Variants in CSMD1 observed in about 807,000 individuals in gnomAD.
The protein encoded by CSMD1 is CUB and sushi domain-containing protein 1.
CSMD1 carries 213 observed loss-of-function variants against 417.5 expected under a neutral mutation model. The observed-to-expected ratio is 0.51, with a 90% CI of 0.46 to 0.57. CSMD1 has a LOEUF of 0.57. CSMD1 is among the 20% of genes least tolerant of loss of function. The probability of loss-of-function intolerance (pLI) is 0.00; values close to 1 mark genes in which losing one functional copy is unlikely to be tolerated. For missense variants in CSMD1, 6,923 were observed against 4,529.7 expected (o/e 1.53, Z -15.17); for synonymous variants, 2,862 against 1,736.8 (o/e 1.65, Z -16.11).
intron 10 of CSMD1, among the ~76,000 whole-genome samples, chr8:3,498,650 T>A (rs902567910): frequency 2.6e-5 from 4 of 152,222 alleles, no homozygotes; most frequent in African/African-American, 4.8e-5. Flanking sequence ...ATTTGTCCCC[T>A]GCATTTTGTT....
At chr8:4,428,378 G>T (rs1344563891) in intron 2 of CSMD1, among the ~76,000 whole-genome samples, 1 of 152,158 alleles carries the variant, frequency 6.6e-6, no homozygotes, top group Non-Finnish European at 1.5e-5. Flanking sequence ...TAGGTAGCTT[G>T]TTATCTTCCT....
intron 3 of CSMD1, among the ~76,000 whole-genome samples, chr8:4,361,593 C>G (rs913702659): frequency 6.6e-6 from 1 of 152,172 alleles, no homozygotes; most frequent in Non-Finnish European, 1.5e-5. Flanking sequence ...AACGCAGTTG[C>G]CCTATTTTAT....
At chr8:3,737,883 G>A (rs746250423) in intron 6 of CSMD1, among the ~76,000 whole-genome samples, 1 of 152,208 alleles carries the variant, frequency 6.6e-6, no homozygotes. Context: ...TCTTTGCCCA[G>A]TGAGAATTCC....
chr8:3,307,598 C>G (rs1185113715), intron 25 of CSMD1, 97 bp downstream of exon 25: 15 of 1,358,834 alleles, frequency 1.1e-5, no homozygotes, highest in Admixed American at 2.2e-5. Context: ...AGTTCAGAAA[C>G]TTTAACCATG....
chr8:4,306,572 C>A (rs974519126), intron 3 of CSMD1, among the ~76,000 whole-genome samples: 1 of 152,114 alleles, frequency 6.6e-6, no homozygotes, highest in African/African-American at 2.4e-5. Context: ...CAGCTCCCTG[C>A]CCATGGTGTA....
intron 2 of CSMD1, among the ~76,000 whole-genome samples, chr8:4,564,050 A>T (rs2130623926): frequency 6.6e-6 from 1 of 152,342 alleles, no homozygotes; most frequent in East Asian, 1.9e-4. Context: ...GTTAGCGAAC[A>T]TTCCTAGCAT....
At chr8:4,458,012 C>T (rs1417685552) in intron 2 of CSMD1, among the ~76,000 whole-genome samples, 1 of 152,150 alleles carries the variant, frequency 6.6e-6, no homozygotes, top group Admixed American at 6.5e-5. Flanking sequence ...TGACTTCTCC[C>T]TATATCCGGT....
At chr8:3,778,699 T>C (rs1799021596) in intron 5 of CSMD1, among the ~76,000 whole-genome samples, 1 of 152,198 alleles carries the variant, frequency 6.6e-6, no homozygotes. Context: ...TGGCCAAAGA[T>C]CATCTTCCGA....
intron 3 of CSMD1, among the ~76,000 whole-genome samples, chr8:4,039,178 G>A (rs965372423): frequency 3.9e-5 from 6 of 152,142 alleles, no homozygotes; most frequent in Admixed American, 3.3e-4. Flanking sequence ...TCATGAGGTG[G>A]ATTCATCTGG....
intron 1 of CSMD1, among the ~76,000 whole-genome samples, chr8:4,914,228 C>A (rs182127924): frequency 6.6e-6 from 1 of 152,208 alleles, no homozygotes; most frequent in Admixed American, 6.5e-5. Flanking sequence ...TGTTACAAAG[C>A]TATGGAATTA....
In CSMD1 at chr8:4,035,619, G is replaced by C. The variant is rs536917236; in HGVS notation, c.416-3520C>G. 3.3e-5 allele frequency among the ~76,000 whole-genome samples: 5 copies of C among 152,198 alleles called. No individual in the cohort carries two copies. In the South Asian group the frequency reaches 8.3e-4, roughly 25 times the overall value. On this transcript the variant is annotated intron_variant, in intron 3 of 69. Coordinates refer to ENST00000635120, the MANE Select transcript of CSMD1 (RefSeq NM_033225.6). ...TTAATGAATACAGTTTAAAAAGTAA[G>C]AACATATAAAGAAATTTTAAATAGA... is the stretch of plus-strand genomic sequence containing the variant.
At chr8:3,439,916 T>C (rs563681786) in intron 12 of CSMD1, among the ~76,000 whole-genome samples, 3 of 152,344 alleles carry the variant, frequency 2.0e-5, no homozygotes, top group African/African-American at 7.2e-5. Context: ...AAGACTATTC[T>C]TCCTCCATTG....
chr8:3,023,126 G>C (rs187888400), intron 51 of CSMD1, among the ~76,000 whole-genome samples: 1 of 152,140 alleles, frequency 6.6e-6, no homozygotes. Flanking sequence ...GGATATAGAC[G>C]AAATACATCT....
chr8:3,706,683 T>G (rs1300266218), intron 7 of CSMD1, among the ~76,000 whole-genome samples: 1 of 152,164 alleles, frequency 6.6e-6, no homozygotes, highest in Non-Finnish European at 1.5e-5. Context: ...AACCTGATAT[T>G]GATTTAATGT....
chr8:3,676,230 C>G (rs1383947), intron 7 of CSMD1, among the ~76,000 whole-genome samples: 23,756 of 152,094 alleles, frequency 0.16, 2,066 homozygotes, highest in South Asian at 0.22. Flanking sequence ...AAATACTAAC[C>G]TTGGGGTCAG....
At chr8:4,632,561 G>A (rs986514424) in intron 2 of CSMD1, among the ~76,000 whole-genome samples, 2 of 152,072 alleles carry the variant, frequency 1.3e-5, no homozygotes, top group Non-Finnish European at 2.9e-5. Context: ...AATCACAGGA[G>A]AAGACACATT....
chr8:4,718,980 A>C (rs1023249284), intron 1 of CSMD1, among the ~76,000 whole-genome samples: 14 of 152,174 alleles, frequency 9.2e-5, no homozygotes, highest in Admixed American at 2.6e-4. Flanking sequence ...TGATATGAAA[A>C]ACTTTGAAGA....
chr8:3,721,192 C>A (rs891379863), intron 6 of CSMD1, among the ~76,000 whole-genome samples: 1 of 152,056 alleles, frequency 6.6e-6, no homozygotes, highest in African/African-American at 2.4e-5. Context: ...CCAGCCTCTG[C>A]GTGATTTTCA....
chr8:4,971,221 G>A (rs188912671), intron 1 of CSMD1, among the ~76,000 whole-genome samples: 3 of 151,986 alleles, frequency 2.0e-5, no homozygotes, highest in African/African-American at 7.2e-5. Flanking sequence ...ATGATATCCA[G>A]TACCTTTAAG....
Sources: gnomAD v4.1 joint callset for allele counts (sites outside exome capture counted in the v4.1 genomes callset) on GRCh38, gnomAD v4.1.1 for gene constraint, MANE v1.5 for transcripts, NCBI Gene and HGNC (gene_info 2026-07-23, HGNC 2026-07-21) for gene names.